The following ERLEC1 variants were observed in gnomAD, a reference collection of about 807,000 sequenced individuals.
The protein encoded by ERLEC1 is endoplasmic reticulum lectin 1, also known as ER lectin.
In ERLEC1, 47 loss-of-function variants were observed where a neutral mutation model predicts 68.0. That is an observed-to-expected ratio of 0.69 (90% CI 0.55 to 0.88). The LOEUF is 0.88. Ranked by LOEUF, ERLEC1 falls within the 40% of genes least tolerant of loss-of-function variation. ERLEC1 has a pLI of 0.00. For missense variants in ERLEC1, 567 were observed against 583.8 expected (o/e 0.97, Z 0.30); for synonymous variants, 225 against 203.2 (o/e 1.11, Z -0.91).
At chr2:53,809,193 A>C (rs1456468932) in intron 9 of ERLEC1, 21 bp from the exon 10 acceptor site, 1 of 1,571,004 alleles carries the variant, frequency 6.4e-7, no homozygotes, top group Non-Finnish European at 8.6e-7. Context: ...ACTTGATCTA[A>C]TATGTTTTCT....
Position 53,787,237 on chromosome 2 carries a change from G to A in ERLEC1, c.27G>A (p.Arg9=), listed in dbSNP as rs370420802. The change falls in exon 1 of 14, where the codon CGG becomes CGA. Residue 9 remains arginine (R), a synonymous_variant. Coordinates refer to ENST00000185150, the MANE Select transcript of ERLEC1 (RefSeq NM_015701.5). MEEGGGGV[R]SLVPGGPVLL... ...TGGAGGAAGGAGGCGGCGGCGTACGGAGTCTGGTCCCGGGCGGGCCGGTGT... is the reference window on the plus strand; with the variant it reads ...TGGAGGAAGGAGGCGGCGGCGTACGAAGTCTGGTCCCGGGCGGGCCGGTGT... The A allele has an allele frequency of 1.9e-5, 31 of 1,605,806 alleles. No homozygotes were observed. The highest frequency in any genetic ancestry group is 9.3e-6 in the Non-Finnish European group (11 of 1,179,416).
At chr2:53,798,252 GA>G in intron 5 of ERLEC1, among the ~76,000 whole-genome samples, 1 of 152,050 alleles carries the variant, frequency 6.6e-6, no homozygotes, top group East Asian at 1.9e-4. Context: ...AACTTTCAAA[GA>G]AGTCTTTGTT....
At chr2:53,814,808 T>A in intron 12 of ERLEC1, 52 bp from the exon 13 acceptor site, 1 of 1,353,032 alleles carries the variant, frequency 7.4e-7, no homozygotes, top group South Asian at 1.2e-5. Context: ...TTATTAACAG[T>A]GATCTTACTT....
rs531343620 is a variant in ERLEC1 at position 53,797,920 on chromosome 2, G to T, written c.490+125G>T. Reference sequence around the variant, plus strand: ...AATTTTAAAATACTGAAATAGGCTGGGCGCGGTGGCTGACGCGTGTAATCC... The same window carrying T: ...AATTTTAAAATACTGAAATAGGCTGTGCGCGGTGGCTGACGCGTGTAATCC... On this transcript the variant is annotated intron_variant, in intron 5 of 13. Coordinates refer to ENST00000185150, the MANE Select transcript of ERLEC1 (RefSeq NM_015701.5). The T allele has an allele frequency of 7.4e-5, 64 of 863,032 alleles. No homozygotes were observed. The African/African-American group carries it at 8.1e-4, about 11-fold the overall frequency. 53.5% of individuals were successfully genotyped at this position (863,032 alleles called of 1,614,324 possible).
At chr2:53,790,582 A>C (rs1675338976) in intron 1 of ERLEC1, among the ~76,000 whole-genome samples, 1 of 152,204 alleles carries the variant, frequency 6.6e-6, no homozygotes, top group Non-Finnish European at 1.5e-5. Flanking sequence ...AATTATTTAC[A>C]ATCTTGCTTT....
chr2:53,795,167 T>C (rs1210084958), intron 2 of ERLEC1, among the ~76,000 whole-genome samples: 2 of 152,208 alleles, frequency 1.3e-5, no homozygotes, highest in Admixed American at 6.5e-5. Flanking sequence ...TTGCCTCTTA[T>C]CCATCCTTCA....
intron 1 of ERLEC1, chr2:53,788,488 G>T (rs890342005): frequency 6.6e-6 from 1 of 151,906 alleles, no homozygotes; most frequent in African/African-American, 2.4e-5. Flanking sequence ...CTGCAGCCTC[G>T]ACCTCCTGGG....
intron 3 of ERLEC1, among the ~76,000 whole-genome samples, chr2:53,796,654 T>C (rs546232083): frequency 2.3e-4 from 35 of 152,026 alleles, no homozygotes; most frequent in Admixed American, 7.9e-4. Flanking sequence ...TTCACAGTGT[T>C]GCCCAGACTA....
rs771298535 is a variant in ERLEC1 at position 53,787,257 on chromosome 2, C to G, written c.47C>G (p.Pro16Arg). ...GTACGGAGTCTGGTCCCGGGCGGGC[C>G]GGTGTTACTGGTCCTCTGCGGCCTC... is the stretch of plus-strand genomic sequence containing the variant. ...GGVRSLVPGG[P>R]VLLVLCGLLE... The change falls in exon 1 of 14, where the codon CCG becomes CGG. Residue 16 changes from proline to arginine, a missense_variant. Coordinates refer to ENST00000185150, the MANE Select transcript of ERLEC1 (RefSeq NM_015701.5). The G allele has an allele frequency of 6.2e-7, 1 of 1,607,668 alleles. No homozygotes were observed. Among genetic ancestry groups the G allele is most frequent in the Non-Finnish European group, 8.5e-7 (1 of 1,179,770 alleles).
At chr2:53,800,365 A>G (rs1675939676) in intron 6 of ERLEC1, among the ~76,000 whole-genome samples, 1 of 152,122 alleles carries the variant, frequency 6.6e-6, no homozygotes, top group African/African-American at 2.4e-5. Flanking sequence ...TGACCAAAAC[A>G]TCATTATGCA....
Position 53,797,555 on chromosome 2 carries a change from A to G in ERLEC1, c.389A>G (p.His130Arg). Reference protein sequence around the residue: ...YWTYEVCHGKHIRQYHEEKET... With the variant: ...YWTYEVCHGKRIRQYHEEKET... ...ACTTACGAAGTATGTCATGGAAAACACATTCGGCAGTACCATGAAGAGAAA... is the reference window on the plus strand; with the variant it reads ...ACTTACGAAGTATGTCATGGAAAACGCATTCGGCAGTACCATGAAGAGAAA... The change falls in exon 4 of 14, where the codon CAC (histidine) becomes CGC (arginine). Residue 130 changes from histidine to arginine, a missense_variant. His to Arg is a conservative substitution (Grantham distance 29). Coordinates refer to ENST00000185150, the MANE Select transcript of ERLEC1 (RefSeq NM_015701.5). 1 of 1,612,982 alleles carries G rather than the reference A, an allele frequency of 6.2e-7. No homozygotes were observed. The highest frequency in any genetic ancestry group is 1.7e-5 in the Admixed American group (1 of 59,872).
rs1677021846 is a variant in ERLEC1 at position 53,818,606 on chromosome 2, A to G, written c.*637A>G. ...TTTTATCTATTACTTTTTTCTTCTT[A>G]TGAGTATGTTTACTCTCAGAGTATC... On this transcript the variant is annotated 3_prime_UTR_variant, in exon 14 of 14. Coordinates refer to ENST00000185150, the MANE Select transcript of ERLEC1 (RefSeq NM_015701.5). 6.6e-6 allele frequency: 1 copy of G among 152,106 alleles called. No individual in the cohort carries two copies. The highest frequency in any genetic ancestry group is 1.5e-5 in the Non-Finnish European group (1 of 68,016). 9.4% of individuals were successfully genotyped at this position (152,106 alleles called of 1,614,324 possible).
At chr2:53,814,162 A>G (rs1341869303) in intron 11 of ERLEC1, among the ~76,000 whole-genome samples, 1 of 152,214 alleles carries the variant, frequency 6.6e-6, no homozygotes, top group Non-Finnish European at 1.5e-5. Flanking sequence ...CAGTATTTTA[A>G]TGGGAGTAGC....
rs1241436892 is a variant in ERLEC1 at position 53,787,196 on chromosome 2, A to G, written c.-15A>G. The G allele has an allele frequency of 6.3e-7, 1 of 1,587,892 alleles. No individual in the cohort carries two copies. The highest frequency in any genetic ancestry group is 8.5e-7 in the Non-Finnish European group (1 of 1,169,804). Reference sequence around the variant, plus strand: ...AGGAGGTTGTGGCGGTGGCTGGAGAAAGCGGCGGCGGAGGATGGAGGAAGG... The same window carrying G: ...AGGAGGTTGTGGCGGTGGCTGGAGAGAGCGGCGGCGGAGGATGGAGGAAGG... On this transcript the variant is annotated 5_prime_UTR_variant, in exon 1 of 14. Transcript: ENST00000185150.
At chr2:53,812,858 A>G (rs1676662954) in intron 10 of ERLEC1, 91 bp from the exon 11 acceptor site, 1 of 1,361,734 alleles carries the variant, frequency 7.3e-7, no homozygotes, top group Non-Finnish European at 1.0e-6. Flanking sequence ...GTGCAGATAA[A>G]GACTAGCTTA....
intron 12 of ERLEC1, 73 bp downstream of exon 12, chr2:53,814,693 A>G: frequency 8.8e-7 from 1 of 1,131,172 alleles, no homozygotes. Context: ...AGTTTTATGT[A>G]AACAGTATAA....
intron 2 of ERLEC1, among the ~76,000 whole-genome samples, chr2:53,795,002 T>G (rs1675612157): frequency 6.7e-6 from 1 of 148,488 alleles, no homozygotes; most frequent in African/African-American, 2.5e-5. Flanking sequence ...ACACTTGCTT[T>G]CTTTATAGAA....
chr2:53,797,394 T>G (rs1675770307), intron 3 of ERLEC1, 121 bp from the exon 4 acceptor site: 3 of 647,542 alleles, frequency 4.6e-6, no homozygotes, highest in Non-Finnish European at 7.8e-6. Flanking sequence ...TAATTATAAG[T>G]GTCATTTAAT....
intron 6 of ERLEC1, among the ~76,000 whole-genome samples, chr2:53,800,733 T>G (rs1558597741): frequency 6.6e-6 from 1 of 152,126 alleles, no homozygotes; most frequent in Admixed American, 6.5e-5. Context: ...TTAGTGATCT[T>G]TGTCTTCTCA....
Sources: allele counts gnomAD v4.1 joint callset (sites outside exome capture counted in the v4.1 genomes callset), GRCh38; gene constraint gnomAD v4.1.1; transcripts MANE v1.5; gene names NCBI Gene and HGNC (gene_info 2026-07-23, HGNC 2026-07-21).